NTRK3: variants seen among roughly 807,000 people sequenced by gnomAD.
NTRK3 encodes the protein neurotrophic receptor tyrosine kinase 3, also known as NT-3 growth factor receptor.
A neutral mutation model predicts 91.7 loss-of-function variants in NTRK3; 24 were observed. That is an observed-to-expected ratio of 0.26 (90% CI 0.19 to 0.37). The LOEUF is 0.37. NTRK3 is among the 10% of genes least tolerant of loss of function. The probability of loss-of-function intolerance (pLI) is 1.00; values close to 1 mark genes in which losing one functional copy is unlikely to be tolerated. For synonymous variants in NTRK3, 483 were observed against 404.0 expected, an observed-to-expected ratio of 1.20 and a Z score of -2.34; for missense variants, 880 against 1,068.9, an observed-to-expected ratio of 0.82 and a Z score of 2.46.
At chr15:87,997,840 A>G (rs2141583268) in intron 14 of NTRK3, among the ~76,000 whole-genome samples, 1 of 152,212 alleles carries the variant, frequency 6.6e-6, no homozygotes, top group Non-Finnish European at 1.5e-5. Flanking sequence ...ATCCCACACA[A>G]CGTGTGCAAA....
In NTRK3 at chr15:87,962,610, A is replaced by G. The variant is rs142959274; in HGVS notation, c.1586-21857T>C. On this transcript the variant is annotated intron_variant, in intron 14 of 18. Transcript: ENST00000394480. ...CCTTCCAGCTGGTTGACTTCTCTCC[A>G]GTTTGTGCCCCTCCCTTGCCTGGAG... 4.2e-3 allele frequency among the ~76,000 whole-genome samples: 646 copies of G among 152,196 alleles called. 5 individuals carry two copies. The highest frequency in any genetic ancestry group is 0.015 in the African/African-American group (624 of 41,544).
intron 14 of NTRK3, 142 bp downstream of exon 14, chr15:88,032,715 A>C: frequency 1.0e-6 from 1 of 952,874 alleles, no homozygotes. Context: ...CAAGTTTTGA[A>C]ACAAACAGGG....
At chr15:88,135,363 C>T (rs749483016) in exon 10 of NTRK3, 4 of 1,614,162 alleles carry the variant, frequency 2.5e-6, no homozygotes, top group Admixed American at 3.3e-5. Context: ...CCAGGCGCAG[C>T]TCAGGCTCCT....
At chr15:88,110,979 T>C (rs970991804) in intron 13 of NTRK3, among the ~76,000 whole-genome samples, 5 of 152,012 alleles carry the variant, frequency 3.3e-5, no homozygotes, top group Non-Finnish European at 7.4e-5. Context: ...TCAGGAGATA[T>C]TTAGGTCACA....
At chr15:88,035,491 C>T (rs2078993237) in intron 13 of NTRK3, among the ~76,000 whole-genome samples, 1 of 152,160 alleles carries the variant, frequency 6.6e-6, no homozygotes, top group South Asian at 2.1e-4. Context: ...GATGAATTCT[C>T]TCAAAAAATA....
chr15:87,988,012 T>C (rs2074975470), intron 14 of NTRK3, among the ~76,000 whole-genome samples: 1 of 152,178 alleles, frequency 6.6e-6, no homozygotes, highest in South Asian at 2.1e-4. Flanking sequence ...CCCCCACCCC[T>C]TGAGTGTACA....
At chr15:87,898,218 T>C (rs191822942) in intron 17 of NTRK3, among the ~76,000 whole-genome samples, 3 of 152,342 alleles carry the variant, frequency 2.0e-5, no homozygotes, top group Admixed American at 2.0e-4. Flanking sequence ...ATCCCAAATG[T>C]ATGGATGAGA....
Position 88,256,628 on chromosome 15 carries a change from T to A in NTRK3, c.-219+16A>T. 2 of 454,024 alleles carry A rather than the reference T, an allele frequency of 4.4e-6. No individual in the cohort carries two copies. Among genetic ancestry groups the A allele is most frequent in the Non-Finnish European group, 7.6e-6 (2 of 264,440 alleles). The allele number at this position is 454,024 out of a possible 1,614,324, so 28.1% of individuals were successfully genotyped here. A position where few individuals can be genotyped will look rare whatever the true frequency, so the allele number is the denominator to read the frequency against. On this transcript the variant is annotated intron_variant, in intron 1 of 18. Coordinates refer to ENST00000394480, the Ensembl canonical transcript of NTRK3. ...ACCTGCAAAACACACACACTCACTC[T>A]CACACATACACACACCCGGAGCCCG...
intron 14 of NTRK3, among the ~76,000 whole-genome samples, chr15:87,958,526 G>T (rs1445382508): frequency 6.6e-6 from 1 of 151,874 alleles, no homozygotes; most frequent in African/African-American, 2.4e-5. Flanking sequence ...CTTCCCCAGG[G>T]CGTCCCTATG....
chr15:87,985,304 T>G (rs910466234), intron 14 of NTRK3, among the ~76,000 whole-genome samples: 1 of 152,184 alleles, frequency 6.6e-6, no homozygotes, highest in Non-Finnish European at 1.5e-5. Context: ...CCGCATTGCC[T>G]GACATGTATA....
At chr15:88,002,070 T>C (rs2076135881) in intron 14 of NTRK3, among the ~76,000 whole-genome samples, 2 of 151,876 alleles carry the variant, frequency 1.3e-5, no homozygotes, top group South Asian at 2.1e-4. Flanking sequence ...CCATGGGAGA[T>C]TGTGAACTCT....
At chr15:87,997,577 G>A (rs1386957881) in intron 14 of NTRK3, among the ~76,000 whole-genome samples, 1 of 151,912 alleles carries the variant, frequency 6.6e-6, no homozygotes, top group East Asian at 1.9e-4. Flanking sequence ...TTTTATATGA[G>A]TTCTCTTTGG....
intron 3 of NTRK3, among the ~76,000 whole-genome samples, chr15:88,190,134 C>A (rs2151666839): frequency 6.6e-6 from 1 of 152,210 alleles, no homozygotes; most frequent in Middle Eastern, 3.4e-3. Flanking sequence ...GGTAGCAGGC[C>A]CAGTATTGCC....
chr15:87,865,948 A>G (rs1289458724), exon 19 of NTRK3: 1 of 230,548 alleles, frequency 4.3e-6, no homozygotes, highest in African/African-American at 2.2e-5. Context: ...ATGCCTCAAA[A>G]TGTGTCTCAA....
intron 5 of NTRK3, among the ~76,000 whole-genome samples, chr15:88,152,427 T>C (rs1174513889): frequency 6.6e-6 from 1 of 152,200 alleles, no homozygotes; most frequent in African/African-American, 2.4e-5. Context: ...TAATCCAATA[T>C]GACTAGTGTC....
At chr15:88,143,665 C>CTAT (rs1402539202) in intron 6 of NTRK3, among the ~76,000 whole-genome samples, 8 of 152,068 alleles carry the variant, frequency 5.3e-5, no homozygotes, top group African/African-American at 1.9e-4. Flanking sequence ...CAAAAAGAAG[C>CTAT]TATTAAGAGG....
intron 5 of NTRK3, among the ~76,000 whole-genome samples, chr15:88,160,206 T>C (rs1320457466): frequency 6.6e-6 from 1 of 151,938 alleles, no homozygotes; most frequent in Non-Finnish European, 1.5e-5. Flanking sequence ...GCCCCAGCCA[T>C]GGTCAAGGGG....
chr15:88,056,175 C>CATATATAT (rs71462431), intron 13 of NTRK3, among the ~76,000 whole-genome samples: 2 of 57,244 alleles, frequency 3.5e-5, no homozygotes, highest in African/African-American at 1.1e-4. Flanking sequence ...AGACTGTTTT[C>CATATATAT]ATATATATAT....
chr15:88,248,482 T>G (rs1254210506), intron 3 of NTRK3, among the ~76,000 whole-genome samples: 2 of 151,816 alleles, frequency 1.3e-5, no homozygotes, highest in Non-Finnish European at 2.9e-5. Context: ...TTACATCAAC[T>G]CTTTTATTTA....
Sources: allele counts gnomAD v4.1 joint callset (sites outside exome capture counted in the v4.1 genomes callset), GRCh38; gene constraint gnomAD v4.1.1; transcripts MANE v1.5; gene names NCBI Gene and HGNC (gene_info 2026-07-23, HGNC 2026-07-21).